TRABD2A: variants seen among roughly 807,000 people sequenced by gnomAD.
TRABD2A encodes the protein TraB domain containing 2A.
TRABD2A carries 43 observed loss-of-function variants against 45.6 expected under a neutral mutation model. The observed-to-expected ratio is 0.94, with a 90% CI of 0.74 to 1.22. The LOEUF is 1.22. Among genes scored for constraint, TRABD2A ranks in the 50% most tolerant of loss-of-function variants. TRABD2A has a pLI of 0.00. For synonymous variants in TRABD2A, 269 were observed against 265.0 expected (o/e 1.02, Z -0.15); for missense variants, 642 against 652.4 (o/e 0.98, Z 0.17).
chr2:84,851,710 C>G (rs1391813595), intron 2 of TRABD2A, among the ~76,000 whole-genome samples: 2 of 152,174 alleles, frequency 1.3e-5, no homozygotes, highest in South Asian at 2.1e-4. Flanking sequence ...TGTCCTACTT[C>G]TAGGAATGTC....
intron 2 of TRABD2A, among the ~76,000 whole-genome samples, chr2:84,863,331 G>A (rs1395024241): frequency 7.3e-6 from 1 of 136,240 alleles, no homozygotes; most frequent in East Asian, 2.3e-4. Flanking sequence ...TGCAAGCTCC[G>A]CCTCCTGGGT....
chr2:84,828,431 G>A (rs1235912795), intron 5 of TRABD2A, among the ~76,000 whole-genome samples: 1 of 152,172 alleles, frequency 6.6e-6, no homozygotes, highest in African/African-American at 2.4e-5. Flanking sequence ...CTGCCGAGGA[G>A]GGGAAGAAGG....
At chr2:84,877,867 C>T (rs1559101332) in intron 1 of TRABD2A, among the ~76,000 whole-genome samples, 1 of 152,198 alleles carries the variant, frequency 6.6e-6, no homozygotes, top group South Asian at 2.1e-4. Context: ...CACAATGAAG[C>T]TGGCTTTACA....
Position 84,824,546 on chromosome 2 carries a change from C to CTT in TRABD2A, c.1083-344_1083-343dup, listed in dbSNP as rs33984190. 8.3e-4 allele frequency among the ~76,000 whole-genome samples: 88 copies of CTT among 106,098 alleles called. 1 individual carries two copies. Among genetic ancestry groups the CTT allele is most frequent in the African/African-American group, 1.9e-3 (53 of 28,390 alleles). 69.6% of individuals were successfully genotyped at this position (106,098 alleles called of 152,430 possible). A position where few individuals can be genotyped will look rare whatever the true frequency, so the allele number is the denominator to read the frequency against. On this transcript the variant is annotated intron_variant, in intron 5 of 6. Coordinates refer to ENST00000409520, the MANE Select transcript of TRABD2A (RefSeq NM_001277053.2). ...TCTAGAAAGACACTGACAATTATAG[C>CTT]TTTTTTTTTTTTTTTTTTTTTTGAG...
intron 4 of TRABD2A, chr2:84,838,301 T>C (rs919954388): frequency 7.0e-6 from 5 of 713,316 alleles, no homozygotes; most frequent in African/African-American, 1.8e-5. Context: ...ACTGCTTCTA[T>C]CAAAATTCAT....
chr2:84,875,406 A>T (rs1682995989), intron 1 of TRABD2A, among the ~76,000 whole-genome samples: 2 of 152,142 alleles, frequency 1.3e-5, no homozygotes, highest in South Asian at 2.1e-4. Flanking sequence ...ACAGAGAGGG[A>T]TAGCTGAACA....
intron 2 of TRABD2A, among the ~76,000 whole-genome samples, chr2:84,849,769 C>G (rs1682019408): frequency 2.0e-5 from 3 of 152,204 alleles, no homozygotes; most frequent in Admixed American, 1.3e-4. Flanking sequence ...TCTTGCTGCA[C>G]TGCAATCAAT....
At chr2:84,846,626 G>A (rs1681907160) in intron 2 of TRABD2A, among the ~76,000 whole-genome samples, 1 of 152,208 alleles carries the variant, frequency 6.6e-6, no homozygotes, top group Non-Finnish European at 1.5e-5. Context: ...GCTCCATGAT[G>A]AGCCTCAAAG....
intron 2 of TRABD2A, among the ~76,000 whole-genome samples, chr2:84,860,954 TG>T (rs1682475350): frequency 6.6e-6 from 1 of 152,210 alleles, no homozygotes; most frequent in South Asian, 2.1e-4. Context: ...GACAGGATCT[TG>T]AAAGTCTTGG....
At chr2:84,857,696 C>A (rs1682361345) in intron 2 of TRABD2A, among the ~76,000 whole-genome samples, 1 of 152,192 alleles carries the variant, frequency 6.6e-6, no homozygotes. Flanking sequence ...ATATCTCACT[C>A]CCCAGCTGTC....
At chr2:84,823,219 A>G (rs1165583146) in intron 6 of TRABD2A, among the ~76,000 whole-genome samples, 1 of 152,114 alleles carries the variant, frequency 6.6e-6, no homozygotes, top group African/African-American at 2.4e-5. Context: ...ACACACACAC[A>G]TATGCATGCA....
chr2:84,852,575 C>T (rs1682134125), intron 2 of TRABD2A, among the ~76,000 whole-genome samples: 1 of 152,116 alleles, frequency 6.6e-6, no homozygotes, highest in African/African-American at 2.4e-5. Flanking sequence ...CCAATATGTC[C>T]TCAGGGGCTG....
chr2:84,837,426 A>T (rs1199687582), intron 4 of TRABD2A: 3 of 152,056 alleles, frequency 2.0e-5, no homozygotes, highest in Non-Finnish European at 4.4e-5. Context: ...CATACTTTCT[A>T]GTTTTGCTCT....
At chr2:84,861,233 A>G (rs1342190737) in intron 2 of TRABD2A, among the ~76,000 whole-genome samples, 1 of 152,174 alleles carries the variant, frequency 6.6e-6, no homozygotes, top group East Asian at 1.9e-4. Context: ...ATTCAAGCAC[A>G]TGACATTTAT....
intron 4 of TRABD2A, chr2:84,837,841 AG>A: frequency 5.7e-6 from 1 of 176,166 alleles, no homozygotes; most frequent in Non-Finnish European, 1.2e-5. Context: ...GCATGTGCAC[AG>A]CTCTTCTCAT....
At chr2:84,862,506 C>T (rs924947066) in intron 2 of TRABD2A, among the ~76,000 whole-genome samples, 1 of 152,060 alleles carries the variant, frequency 6.6e-6, no homozygotes, top group African/African-American at 2.4e-5. Flanking sequence ...CTTAGGACCC[C>T]AAAAGCAGCT....
intron 2 of TRABD2A, among the ~76,000 whole-genome samples, chr2:84,843,182 C>G (rs1034055721): frequency 1.3e-5 from 2 of 152,018 alleles, no homozygotes; most frequent in African/African-American, 4.8e-5. Context: ...TGACAGCTCC[C>G]CTTTCTTGTG....
At chr2:84,841,721 G>T in intron 3 of TRABD2A, 140 bp downstream of exon 3, 1 of 880,684 alleles carries the variant, frequency 1.1e-6, no homozygotes, top group Non-Finnish European at 1.6e-6. Context: ...CTCATTCAAT[G>T]ACATCTAAAT....
At chr2:84,833,801 C>A (rs1025599929) in intron 4 of TRABD2A, 6 of 150,330 alleles carry the variant, frequency 4.0e-5, no homozygotes, top group African/African-American at 1.5e-4. Flanking sequence ...GGCTGTCAGC[C>A]CCAATCTAGC....
Sources: gnomAD v4.1 joint callset for allele counts (sites outside exome capture counted in the v4.1 genomes callset) on GRCh38, gnomAD v4.1.1 for gene constraint, MANE v1.5 for transcripts, NCBI Gene and HGNC (gene_info 2026-07-23, HGNC 2026-07-21) for gene names.